The following GLRA2 variants were observed in gnomAD, a reference collection of about 807,000 sequenced individuals.
The protein encoded by GLRA2 is glycine receptor subunit alpha-2.
In GLRA2, 11 loss-of-function variants were observed where a neutral mutation model predicts 31.6. The observed-to-expected ratio is 0.35, with a 90% confidence interval of 0.22 to 0.58. The LOEUF is 0.58. Ranked by LOEUF, GLRA2 falls within the 20% of genes least tolerant of loss-of-function variation. GLRA2 has a pLI of 0.84. For synonymous variants in GLRA2, 132 were observed against 134.0 expected, an observed-to-expected ratio of 0.99 and a Z score of 0.10; for missense variants, 212 against 351.8, an observed-to-expected ratio of 0.60 and a Z score of 3.18.
intron 4 of GLRA2, among the ~76,000 whole-genome samples, chrX:14,594,513 T>C (rs2090179796): frequency 8.9e-6 from 1 of 111,944 alleles, no homozygotes; most frequent in South Asian, 3.7e-4. Flanking sequence ...GGAGTATTGA[T>C]TATTTAAATC....
intron 3 of GLRA2, among the ~76,000 whole-genome samples, chrX:14,579,939 G>A (rs1413163262): frequency 8.9e-6 from 1 of 112,107 alleles, no homozygotes; most frequent in African/African-American, 3.2e-5. Context: ...AAACCGTATT[G>A]AAGCTTTTTT....
At position 14,566,827 on chromosome X, in the gene GLRA2, G is replaced by GC. The variant is rs2089813716; in HGVS notation, c.203-7500dup. ...GCTCACTTTAAAACCACCAATTAAA[G>GC]CCCCCCAGTGGGAAGCCTGTTTAGA... On this transcript the variant is annotated intron_variant, in intron 2 of 8. Transcript: ENST00000218075. Among the ~76,000 whole-genome samples the GC allele has an allele frequency of 2.7e-5, 3 of 111,277 alleles. No homozygotes were observed. In the South Asian group the frequency reaches 1.2e-3, roughly 43 times the overall value.
chrX:14,564,627 G>A (rs2089778233), intron 2 of GLRA2, among the ~76,000 whole-genome samples: 1 of 112,296 alleles, frequency 8.9e-6, no homozygotes, highest in African/African-American at 3.2e-5. Context: ...AAAGACAAAT[G>A]CATAAAAAAT....
upstream of GLRA2, among the ~76,000 whole-genome samples, chrX:14,527,190 C>T (rs750789753): frequency 7.1e-4 from 79 of 111,848 alleles, no homozygotes; most frequent in Admixed American, 1.8e-3. Flanking sequence ...GGAGGCTAAA[C>T]TAGATCCTCT....
At chrX:14,676,866 T>C in intron 7 of GLRA2, among the ~76,000 whole-genome samples, 1 of 111,373 alleles carries the variant, frequency 9.0e-6, no homozygotes. Flanking sequence ...CTTGCCAAAG[T>C]TTTCAAAAAT....
chrX:14,568,852 C>T (rs1400590308), intron 2 of GLRA2, among the ~76,000 whole-genome samples: 1 of 111,911 alleles, frequency 8.9e-6, no homozygotes, highest in Non-Finnish European at 1.9e-5. Context: ...CAAAAAGCTG[C>T]TTTTTAAAAT....
At chrX:14,669,083 A>G (rs1167281919) in intron 7 of GLRA2, among the ~76,000 whole-genome samples, 1 of 112,293 alleles carries the variant, frequency 8.9e-6, no homozygotes, top group African/African-American at 3.2e-5. Context: ...AATGGGAAAA[A>G]TTGGTCAAAA....
the GLRA2 span, among the ~76,000 whole-genome samples, chrX:14,491,895 T>C: frequency 2.7e-5 from 3 of 111,973 alleles, no homozygotes; most frequent in South Asian, 1.1e-3. Context: ...CTGATCATTG[T>C]GACTCATGCC....
At chrX:14,644,455 A>G (rs2090808097) in intron 7 of GLRA2, among the ~76,000 whole-genome samples, 1 of 111,909 alleles carries the variant, frequency 8.9e-6, no homozygotes, top group African/African-American at 3.2e-5. Flanking sequence ...AGACTATGCT[A>G]AGCTTTCTAA....
chrX:14,521,508 C>A, the GLRA2 span, among the ~76,000 whole-genome samples: 1 of 111,647 alleles, frequency 9.0e-6, no homozygotes, highest in African/African-American at 3.3e-5. Flanking sequence ...GAGAATTACA[C>A]CATTTGCTTC....
At chrX:14,473,898 A>G in the GLRA2 span, among the ~76,000 whole-genome samples, 1 of 112,003 alleles carries the variant, frequency 8.9e-6, no homozygotes, top group Non-Finnish European at 1.9e-5. Context: ...TGAGAAGTGG[A>G]AAGTGGGGGG....
chrX:14,596,440 A>G (rs963960866), intron 4 of GLRA2, among the ~76,000 whole-genome samples: 1 of 110,469 alleles, frequency 9.1e-6, no homozygotes, highest in African/African-American at 3.3e-5. Context: ...TACCTCTCCA[A>G]TGTGACTGAA....
At chrX:14,671,213 A>G (rs1242745283) in intron 7 of GLRA2, among the ~76,000 whole-genome samples, 2 of 111,383 alleles carry the variant, frequency 1.8e-5, no homozygotes, top group Non-Finnish European at 3.8e-5. Context: ...AGTAAGAAAA[A>G]AATTTTCAGG....
the GLRA2 span, among the ~76,000 whole-genome samples, chrX:14,499,491 A>G: frequency 9.0e-6 from 1 of 111,469 alleles, no homozygotes; most frequent in Non-Finnish European, 1.9e-5. Context: ...GGATAAAGAA[A>G]ATGTGGTACA....
intron 2 of GLRA2, among the ~76,000 whole-genome samples, chrX:14,568,652 C>T (rs1387631888): frequency 9.7e-6 from 1 of 102,630 alleles, no homozygotes; most frequent in Admixed American, 1.0e-4. Context: ...GAGATTGTGC[C>T]ACTGCACTCC....
Position 14,595,628 on chromosome X carries a change from G to A in GLRA2, c.495-8687G>A, listed in dbSNP as rs776315431. Among the ~76,000 whole-genome samples, 4 of 111,484 alleles carry A rather than the reference G, an allele frequency of 3.6e-5. No individual in the cohort carries two copies. In the East Asian group the frequency reaches 1.1e-3, roughly 32 times the overall value. ...ATGTGGGTACCTCAGGTTCAATTCA[G>A]GAGCATCAAGTCATGCTTCTCTGAT... On this transcript the variant is annotated intron_variant, in intron 4 of 8. Transcript: ENST00000218075.
chrX:14,534,013 G>A (rs1251565536), intron 2 of GLRA2, among the ~76,000 whole-genome samples: 1 of 110,638 alleles, frequency 9.0e-6, no homozygotes, highest in Non-Finnish European at 1.9e-5. Context: ...TTTTCAAAAG[G>A]GCAGGAAAGT....
intron 7 of GLRA2, among the ~76,000 whole-genome samples, chrX:14,687,298 C>T (rs929735843): frequency 1.8e-5 from 2 of 111,481 alleles, no homozygotes; most frequent in African/African-American, 3.3e-5. Context: ...TTGCTCTTCT[C>T]GAGGAGTATC....
chrX:14,486,272 T>C, the GLRA2 span, among the ~76,000 whole-genome samples: 1 of 111,774 alleles, frequency 8.9e-6, no homozygotes, highest in Non-Finnish European at 1.9e-5. Context: ...ATAAAAGACT[T>C]AAAGGCAAAA....
Sources: gnomAD v4.1 joint callset for allele counts (sites outside exome capture counted in the v4.1 genomes callset) on GRCh38, gnomAD v4.1.1 for gene constraint, MANE v1.5 for transcripts, NCBI Gene and HGNC (gene_info 2026-07-23, HGNC 2026-07-21) for gene names.